The following NBAS variants were observed in gnomAD, a reference collection of about 807,000 sequenced individuals.
NBAS encodes NAG/BC035112 fusion.
Under a neutral mutation model 302.5 loss-of-function variants are expected in NBAS, and 219 were observed. The ratio of observed to expected loss-of-function variants is 0.72; its 90% CI spans 0.65 to 0.81. NBAS has a LOEUF of 0.81. Ranked by LOEUF, NBAS falls within the 30% of genes least tolerant of loss-of-function variation. NBAS has a pLI of 0.00. For synonymous variants in NBAS, 1,118 were observed against 1,021.6 expected (o/e 1.09, Z -1.80); for missense variants, 2,932 against 2,841.6 (o/e 1.03, Z -0.72).
chr2:14,937,538 T>C, the NBAS span, among the ~76,000 whole-genome samples: 1 of 152,142 alleles, frequency 6.6e-6, no homozygotes, highest in Non-Finnish European at 1.5e-5. Flanking sequence ...CAGTCCACCC[T>C]GAGTCTTATG....
At chr2:15,033,340 A>G in the NBAS span, among the ~76,000 whole-genome samples, 2 of 152,068 alleles carry the variant, frequency 1.3e-5, no homozygotes, top group Non-Finnish European at 2.9e-5. Flanking sequence ...CCAGAGAGAA[A>G]TTTTTTCTCC....
chr2:14,931,298 G>A, the NBAS span, among the ~76,000 whole-genome samples: 179 of 152,300 alleles, frequency 1.2e-3, 3 homozygotes, highest in Admixed American at 0.01. Flanking sequence ...CAGTTTTGCA[G>A]GTTTTTTGTT....
the NBAS span, among the ~76,000 whole-genome samples, chr2:14,793,644 T>C: frequency 6.6e-6 from 1 of 152,030 alleles, no homozygotes; most frequent in Admixed American, 6.6e-5. Context: ...GTGGAAATAG[T>C]CTAAGAAGAA....
chr2:14,803,952 G>C, the NBAS span, among the ~76,000 whole-genome samples: 1 of 152,136 alleles, frequency 6.6e-6, no homozygotes, highest in Non-Finnish European at 1.5e-5. Context: ...GCCCAGCCTT[G>C]TCTGCTTTCT....
At chr2:15,059,193 G>A in the NBAS span, among the ~76,000 whole-genome samples, 1 of 152,174 alleles carries the variant, frequency 6.6e-6, no homozygotes, top group Non-Finnish European at 1.5e-5. Context: ...TTGATACAGA[G>A]ACAATTTGTA....
the NBAS span, among the ~76,000 whole-genome samples, chr2:14,969,536 G>A: frequency 6.6e-6 from 1 of 150,798 alleles, no homozygotes; most frequent in Non-Finnish European, 1.5e-5. Flanking sequence ...ACCACCATAC[G>A]CGGCTAATTT....
At chr2:15,184,472 T>C (rs761691228) in intron 50 of NBAS, among the ~76,000 whole-genome samples, 11 of 151,760 alleles carry the variant, frequency 7.2e-5, no homozygotes, top group Non-Finnish European at 1.5e-5. Flanking sequence ...GGCGATGGGC[T>C]ACAGTGACGC....
At chr2:15,470,907 G>A (rs1679930693) in intron 16 of NBAS, among the ~76,000 whole-genome samples, 1 of 152,044 alleles carries the variant, frequency 6.6e-6, no homozygotes, top group South Asian at 2.1e-4. Flanking sequence ...GCTGCAGTGA[G>A]CCGAGATCGC....
chr2:14,786,834 A>G, the NBAS span, among the ~76,000 whole-genome samples: 2 of 152,154 alleles, frequency 1.3e-5, no homozygotes, highest in South Asian at 2.1e-4. Context: ...GATGTCTATT[A>G]GGTCCGCTTG....
the NBAS span, among the ~76,000 whole-genome samples, chr2:15,119,918 G>A: frequency 6.6e-6 from 1 of 152,168 alleles, no homozygotes; most frequent in Non-Finnish European, 1.5e-5. Flanking sequence ...CCCTCACAAG[G>A]TCACCAGCAG....
At chr2:15,449,573 G>T (rs1678907659) in intron 21 of NBAS, among the ~76,000 whole-genome samples, 1 of 142,466 alleles carries the variant, frequency 7.0e-6, no homozygotes, top group Non-Finnish European at 1.5e-5. Flanking sequence ...TTCTTAATCA[G>T]AGAACTCGCC....
At chr2:15,439,501 G>A (rs915420541) in intron 21 of NBAS, among the ~76,000 whole-genome samples, 8 of 151,996 alleles carry the variant, frequency 5.3e-5, no homozygotes, top group African/African-American at 1.9e-4. Flanking sequence ...AAAATCTTGA[G>A]GGGAGGAGCC....
intron 33 of NBAS, 23 bp downstream of exon 33, chr2:15,356,280 T>C: frequency 1.3e-6 from 2 of 1,566,522 alleles, no homozygotes; most frequent in East Asian, 4.5e-5. Context: ...ATAAGCAAAG[T>C]GTTAAATAAG....
At chr2:15,457,063 A>T (rs1231793101) in intron 21 of NBAS, among the ~76,000 whole-genome samples, 2 of 152,172 alleles carry the variant, frequency 1.3e-5, no homozygotes, top group Non-Finnish European at 2.9e-5. Context: ...CACTAAATTA[A>T]AAAGACCCAG....
At chr2:14,863,378 G>T in the NBAS span, among the ~76,000 whole-genome samples, 1 of 152,174 alleles carries the variant, frequency 6.6e-6, no homozygotes. Flanking sequence ...GCAGTGGAAA[G>T]TTACAGTTGA....
chr2:15,056,358 T>C, the NBAS span, among the ~76,000 whole-genome samples: 1 of 152,360 alleles, frequency 6.6e-6, no homozygotes, highest in South Asian at 2.1e-4. Context: ...TATTTGGGTA[T>C]GATGGGGTAT....
At chr2:15,109,912 G>A in the NBAS span, among the ~76,000 whole-genome samples, 1 of 152,036 alleles carries the variant, frequency 6.6e-6, no homozygotes, top group African/African-American at 2.4e-5. Context: ...TGTTAGTAGT[G>A]TTTATTGTCC....
chr2:15,510,754 C>A (rs1303728879), intron 10 of NBAS, among the ~76,000 whole-genome samples: 1 of 152,094 alleles, frequency 6.6e-6, no homozygotes, highest in Non-Finnish European at 1.5e-5. Flanking sequence ...CTAATTCTGC[C>A]ATTTGCTAGC....
chr2:15,406,267 T>C (rs1038655099), intron 25 of NBAS, among the ~76,000 whole-genome samples: 27 of 152,050 alleles, frequency 1.8e-4, no homozygotes, highest in African/African-American at 6.3e-4. Flanking sequence ...ATTAAACCCA[T>C]GTACAGATGG....
Sources: gnomAD v4.1 joint callset for allele counts (sites outside exome capture counted in the v4.1 genomes callset) on GRCh38, gnomAD v4.1.1 for gene constraint, MANE v1.5 for transcripts, NCBI Gene and HGNC (gene_info 2026-07-23, HGNC 2026-07-21) for gene names.